The following TENM3 variants were observed in gnomAD, a reference collection of about 807,000 sequenced individuals.
TENM3 encodes teneurin-3.
Under a neutral mutation model 255.1 loss-of-function variants are expected in TENM3, and 63 were observed. The ratio of observed to expected loss-of-function variants is 0.25; its 90% CI spans 0.20 to 0.30. TENM3 has a LOEUF of 0.30. Ranked by LOEUF, TENM3 falls within the 10% of genes least tolerant of loss-of-function variation. The pLI is 1.00. For synonymous variants in TENM3, 1,306 were observed against 1,322.3 expected (o/e 0.99, Z 0.27); for missense variants, 2,929 against 3,461.1 (o/e 0.85, Z 3.86).
chr4:182,433,846 T>C (rs1385044565), intron 3 of TENM3, among the ~76,000 whole-genome samples: 1 of 152,194 alleles, frequency 6.6e-6, no homozygotes, highest in Non-Finnish European at 1.5e-5. Context: ...GGTGGCGTGA[T>C]GGCTCATGCC....
intron 1 of TENM3, among the ~76,000 whole-genome samples, chr4:182,169,622 A>AT (rs1391185341): frequency 1.3e-5 from 2 of 152,098 alleles, no homozygotes; most frequent in East Asian, 3.9e-4. Flanking sequence ...ACTCTTGACC[A>AT]TTTTGTTTAC....
intron 3 of TENM3, among the ~76,000 whole-genome samples, chr4:182,518,060 T>C (rs1168008019): frequency 6.6e-6 from 1 of 152,166 alleles, no homozygotes; most frequent in Non-Finnish European, 1.5e-5. Context: ...CTTTTTCTTG[T>C]TCTTTTTGTT....
chr4:182,655,747 G>A (rs1448165520), intron 6 of TENM3, among the ~76,000 whole-genome samples: 4 of 152,056 alleles, frequency 2.6e-5, no homozygotes, highest in Non-Finnish European at 5.9e-5. Flanking sequence ...CCGTAAAGCT[G>A]GAGTCCTTGA....
At chr4:181,649,980 GA>G in the TENM3 span, among the ~76,000 whole-genome samples, 132 of 152,220 alleles carry the variant, frequency 8.7e-4, 1 homozygote, top group African/African-American at 3.2e-3. Context: ...ACTGGCTGAG[GA>G]ATTTTGACAG....
the TENM3 span, among the ~76,000 whole-genome samples, chr4:181,826,170 A>G: frequency 6.6e-6 from 1 of 152,242 alleles, no homozygotes; most frequent in East Asian, 1.9e-4. Context: ...ATAACTTGTA[A>G]TAAAATTTCC....
the TENM3 span, among the ~76,000 whole-genome samples, chr4:181,648,131 C>T: frequency 6.6e-6 from 1 of 152,230 alleles, no homozygotes; most frequent in South Asian, 2.1e-4. Flanking sequence ...GCAGCACTGG[C>T]CATATTGGAG....
chr4:182,736,320 TTGGCCTAGAC>T (rs1362742314), intron 16 of TENM3, among the ~76,000 whole-genome samples: 1 of 152,216 alleles, frequency 6.6e-6, no homozygotes, highest in Non-Finnish European at 1.5e-5. Context: ...GGCCAGATCT[TTGGCCTAGAC>T]TGCATCCCTG....
At chr4:182,680,834 T>A (rs978249375) in intron 10 of TENM3, 97 bp downstream of exon 10, 1 of 944,752 alleles carries the variant, frequency 1.1e-6, no homozygotes, top group Non-Finnish European at 1.5e-6. Flanking sequence ...TTTATACGCT[T>A]CCTTTTGAAA....
chr4:181,917,981 C>T, the TENM3 span, among the ~76,000 whole-genome samples: 2 of 152,074 alleles, frequency 1.3e-5, no homozygotes, highest in African/African-American at 4.8e-5. Flanking sequence ...GGTTTCTAAC[C>T]AACTCCTTAA....
At chr4:181,865,620 T>C in the TENM3 span, among the ~76,000 whole-genome samples, 2 of 152,230 alleles carry the variant, frequency 1.3e-5, no homozygotes, top group African/African-American at 4.8e-5. Flanking sequence ...GTTGACAACA[T>C]TGGCAGTGAC....
At chr4:182,260,117 T>C (rs1272351174) in intron 1 of TENM3, among the ~76,000 whole-genome samples, 2 of 152,188 alleles carry the variant, frequency 1.3e-5, no homozygotes, top group Non-Finnish European at 2.9e-5. Flanking sequence ...ATGGACTAAA[T>C]TTTCTTTATC....
chr4:182,346,931 T>C lies in TENM3; in HGVS notation c.511+2T>C, dbSNP rs772207996. The C allele has an allele frequency of 1.9e-6, 3 of 1,585,776 alleles. No homozygotes were observed. Among genetic ancestry groups the C allele is most frequent in the Non-Finnish European group, 2.6e-6 (3 of 1,162,184 alleles). On this transcript the variant is annotated splice_donor_variant, in intron 3 of 27. Transcript: ENST00000511685. LOFTEE classifies it high-confidence loss of function. ...AAAACAAGTCCGACAGTGAGAATGG[T>C]AAGTTTCCTTTTTGGCTTTATAATG...
the TENM3 span, among the ~76,000 whole-genome samples, chr4:181,595,074 G>T: frequency 9.9e-5 from 15 of 151,894 alleles, no homozygotes; most frequent in Non-Finnish European, 1.6e-4. Flanking sequence ...TGTCTCCCTG[G>T]CTTCCTCTGC....
chr4:182,372,566 G>C (rs1766901343), intron 3 of TENM3, among the ~76,000 whole-genome samples: 1 of 151,966 alleles, frequency 6.6e-6, no homozygotes, highest in Non-Finnish European at 1.5e-5. Flanking sequence ...TCTTAGCGGA[G>C]CTCAAGTTAT....
chr4:182,348,999 A>C (rs1765006811), intron 3 of TENM3, among the ~76,000 whole-genome samples: 1 of 152,120 alleles, frequency 6.6e-6, no homozygotes, highest in African/African-American at 2.4e-5. Context: ...GAAAAGTTGC[A>C]CTCTTTAATT....
the TENM3 span, among the ~76,000 whole-genome samples, chr4:182,041,351 A>G: frequency 2.6e-5 from 4 of 152,160 alleles, no homozygotes; most frequent in Admixed American, 6.5e-5. Flanking sequence ...GCTTAGGTAA[A>G]TTCTTCAACA....
the TENM3 span, among the ~76,000 whole-genome samples, chr4:181,492,985 A>G: frequency 6.6e-6 from 1 of 152,238 alleles, no homozygotes; most frequent in South Asian, 2.1e-4. Flanking sequence ...AACTTCAAAT[A>G]GAAGCAGTGA....
At chr4:181,708,855 C>T in the TENM3 span, among the ~76,000 whole-genome samples, 24 of 152,142 alleles carry the variant, frequency 1.6e-4, no homozygotes, top group African/African-American at 5.8e-4. Flanking sequence ...TTGCAGTCAG[C>T]AACATCAAGA....
chr4:181,857,586 CAA>C, the TENM3 span, among the ~76,000 whole-genome samples: 2 of 115,260 alleles, frequency 1.7e-5, no homozygotes, highest in African/African-American at 8.5e-5. Flanking sequence ...CAAAACAAAA[CAA>C]AAAAAAAAAA....
Sources: allele counts gnomAD v4.1 joint callset (sites outside exome capture counted in the v4.1 genomes callset), GRCh38; gene constraint gnomAD v4.1.1; transcripts MANE v1.5; gene names NCBI Gene and HGNC (gene_info 2026-07-23, HGNC 2026-07-21).